The following DST variants were observed in gnomAD, a reference collection of about 807,000 sequenced individuals.
DST encodes the protein bullous pemphigoid antigen.
Under a neutral mutation model 875.2 loss-of-function variants are expected in DST, and 253 were observed. That is an observed-to-expected ratio of 0.29 (90% CI 0.26 to 0.32). The LOEUF (loss-of-function observed/expected upper bound fraction) is 0.32, where lower values mean the gene tolerates loss of function less well. DST is among the 10% of genes least tolerant of loss of function. The pLI is 1.00. For missense variants in DST, 8,287 were observed against 9,111.6 expected (o/e 0.91, Z 3.68); for synonymous variants, 3,124 against 3,197.1 (o/e 0.98, Z 0.77).
intron 15 of DST, 46 bp downstream of exon 15, chr6:56,645,820 C>T (rs747762919): frequency 4.4e-6 from 7 of 1,599,918 alleles, no homozygotes; most frequent in Admixed American, 1.8e-5. Flanking sequence ...AACACAAAGG[C>T]CCCCTCCCCA....
At position 56,598,645 on chromosome 6, in the gene DST, T is replaced by G; in HGVS notation, c.11759A>C (p.Asn3920Thr). Reference sequence around the variant, plus strand: ...CTTTTCACCATTCTCTTTTAAGAAGTTCTCTGTGTTTTTCACTACTTCAGC... The same window carrying G: ...CTTTTCACCATTCTCTTTTAAGAAGGTCTCTGTGTTTTTCACTACTTCAGC... ...ALAEVVKNTENFLKENGEKLS... is the reference protein window; with the variant it reads ...ALAEVVKNTETFLKENGEKLS... Residue 3920 changes from asparagine (N) to threonine (T), a missense_variant, in exon 46 of 104, where the codon AAC becomes ACC. By Grantham distance (65) the Asn-to-Thr change is moderately conservative. Coordinates refer to ENST00000680361, the MANE Select transcript of DST (RefSeq NM_001374736.1). The G allele has an allele frequency of 6.2e-7, 1 of 1,611,066 alleles. No homozygotes were observed. Among genetic ancestry groups the G allele is most frequent in the Non-Finnish European group, 8.5e-7 (1 of 1,178,492 alleles).
chr6:56,883,448 T>C (rs1783154372), intron 3 of DST, among the ~76,000 whole-genome samples: 1 of 152,020 alleles, frequency 6.6e-6, no homozygotes, highest in Non-Finnish European at 1.5e-5. Flanking sequence ...AAACAAGAAG[T>C]AAAAAGAAAT....
intron 13 of DST, among the ~76,000 whole-genome samples, 193 bp from the exon 14 acceptor site, chr6:56,646,375 G>T (rs551409665): frequency 6.6e-6 from 1 of 152,208 alleles, no homozygotes; most frequent in South Asian, 2.1e-4. Flanking sequence ...TTTGATGAGG[G>T]TGTAATTATT....
rs375888742 is a variant in DST at position 56,552,258 on chromosome 6, C to T, written c.16534G>A (p.Glu5512Lys). The change falls in exon 61 of 104, where the codon GAA (glutamate) becomes AAA (lysine). Residue 5512 changes from glutamate to lysine, a missense_variant. This residue lies in a region of DST where 777 missense variants were observed against 764.8 expected (regional missense o/e 1.02). Transcript: ENST00000680361. ...GGACCTTGTGACTCTTCATGTTCTTCGGCTTTCTGGAGCAGAATAGAAAAT... is the reference window on the plus strand; with the variant it reads ...GGACCTTGTGACTCTTCATGTTCTTTGGCTTTCTGGAGCAGAATAGAAAAT... ...KEFSILLQKA[E>K]EHEESQGPVG... 5.9e-5 allele frequency: 95 copies of T among 1,613,848 alleles called. No individual in the cohort carries two copies. Among genetic ancestry groups the T allele is most frequent in the Non-Finnish European group, 7.3e-5 (86 of 1,179,876 alleles).
chr6:56,721,156 C>A (rs918703819), intron 5 of DST, among the ~76,000 whole-genome samples: 4 of 148,196 alleles, frequency 2.7e-5, no homozygotes, highest in Admixed American at 1.3e-4. Flanking sequence ...CGGCCCCCCC[C>A]ACCTCCCAGA....
At chr6:56,724,398 T>C (rs184953925) in intron 5 of DST, among the ~76,000 whole-genome samples, 81 of 152,346 alleles carry the variant, frequency 5.3e-4, no homozygotes, top group East Asian at 4.2e-3. Flanking sequence ...GTAAGTAGTA[T>C]TGGTGTTTGG....
At chr6:56,521,303 G>A (rs986288888) in intron 69 of DST, among the ~76,000 whole-genome samples, 3 of 151,482 alleles carry the variant, frequency 2.0e-5, no homozygotes, top group Non-Finnish European at 4.4e-5. Context: ...CAAGATATCT[G>A]AATAAAATTT....
Position 56,608,878 on chromosome 6 carries a change from C to A in DST, c.5750G>T (p.Cys1917Phe). 6.2e-7 allele frequency: 1 copy of A among 1,613,644 alleles called. No homozygotes were observed. The change falls in exon 40 of 104, where the codon TGC (cysteine) becomes TTC (phenylalanine). Residue 1917 changes from cysteine (C) to phenylalanine (F), a missense_variant. Coordinates refer to ENST00000680361, the MANE Select transcript of DST (RefSeq NM_001374736.1). ...FSKVLERQNM[C>F]KDLIDPCTSE... ...GGTGCAGGGGTCAATAAGATCTTTG[C>A]ACATATTTTGCCTTTCCAGAACTTT...
At chr6:56,859,545 CAG>C (rs1049785078) in intron 3 of DST, among the ~76,000 whole-genome samples, 9 of 152,046 alleles carry the variant, frequency 5.9e-5, no homozygotes, top group African/African-American at 2.2e-4. Context: ...GAAAAGCAAA[CAG>C]ATCTCTAAAA....
At chr6:56,904,008 C>T (rs1795274700) in intron 2 of DST, among the ~76,000 whole-genome samples, 1 of 152,170 alleles carries the variant, frequency 6.6e-6, no homozygotes, top group African/African-American at 2.4e-5. Flanking sequence ...TTAATTATTT[C>T]CTCACCTATA....
chr6:56,940,930 C>T (rs921652228), intron 2 of DST, among the ~76,000 whole-genome samples: 1 of 152,118 alleles, frequency 6.6e-6, no homozygotes, highest in Non-Finnish European at 1.5e-5. Context: ...TAGTTATACC[C>T]TCTCTTTCAT....
intron 28 of DST, 105 bp downstream of exon 28, chr6:56,632,749 G>C: frequency 1.1e-6 from 1 of 886,044 alleles, no homozygotes; most frequent in Non-Finnish European, 1.8e-6. Context: ...CATATCATAG[G>C]CTGGGTGATA....
At chr6:56,725,102 T>C (rs539439706) in intron 5 of DST, among the ~76,000 whole-genome samples, 3 of 152,204 alleles carry the variant, frequency 2.0e-5, no homozygotes, top group Non-Finnish European at 4.4e-5. Context: ...CCTAGAAAGG[T>C]TCAAAGTCAT....
At chr6:56,534,631 T>C (rs562514451) in intron 63 of DST, among the ~76,000 whole-genome samples, 24 of 152,338 alleles carry the variant, frequency 1.6e-4, no homozygotes, top group Admixed American at 7.8e-4. Context: ...CAACCTAATA[T>C]ATAAGGGAAC....
intron 15 of DST, 45 bp downstream of exon 15, chr6:56,645,821 C>A (rs377331979): frequency 6.2e-7 from 1 of 1,600,372 alleles, no homozygotes; most frequent in African/African-American, 1.4e-5. Context: ...ACACAAAGGC[C>A]CCCTCCCCAC....
At chr6:56,497,778 TG>T in intron 81 of DST, 77 bp downstream of exon 81, 2 of 1,297,680 alleles carry the variant, frequency 1.5e-6, no homozygotes. Context: ...AACAGGAGTC[TG>T]TGAACTAATA....
intron 90 of DST, among the ~76,000 whole-genome samples, chr6:56,480,604 G>A (rs748916214): frequency 1.3e-5 from 2 of 152,128 alleles, no homozygotes; most frequent in Non-Finnish European, 2.9e-5. Context: ...AATGTATGAA[G>A]GGAAGCAGAG....
At position 56,678,774 on chromosome 6, in the gene DST, T is replaced by C. The variant is rs547860092; in HGVS notation, c.1048-7967A>G. On this transcript the variant is annotated intron_variant, in intron 9 of 103. Coordinates refer to ENST00000680361, the MANE Select transcript of DST (RefSeq NM_001374736.1). ...AAACATTAACCAATAAAGATAACTTTAGACTGTTATGGGCCTGGAGATGGG... is the reference window on the plus strand; with the variant it reads ...AAACATTAACCAATAAAGATAACTTCAGACTGTTATGGGCCTGGAGATGGG... 3.5e-4 allele frequency among the ~76,000 whole-genome samples: 54 copies of C among 152,302 alleles called. No individual in the cohort carries two copies. The East Asian group carries it at 5.2e-3, about 15-fold the overall frequency.
chr6:56,474,459 AG>A (rs1249321460), intron 92 of DST: 3 of 153,932 alleles, frequency 1.9e-5, no homozygotes, highest in Non-Finnish European at 2.9e-5. Context: ...ACTCCAGCCT[AG>A]GCAACAGAGT....
Sources: gnomAD v4.1 joint callset for allele counts (sites outside exome capture counted in the v4.1 genomes callset) on GRCh38, gnomAD v4.1.1 for gene constraint, gnomAD v4.1.1 regional missense constraint, MANE v1.5 for transcripts, NCBI Gene and HGNC (gene_info 2026-07-23, HGNC 2026-07-21) for gene names.